Variants in NFIC observed in about 807,000 individuals in gnomAD.
NFIC encodes nuclear factor I C, also known as nuclear factor 1 C-type.
Under a neutral mutation model 54.4 loss-of-function variants are expected in NFIC, and 12 were observed. That is an observed-to-expected ratio of 0.22 (90% confidence interval 0.14 to 0.36). The LOEUF is 0.36. Ranked by LOEUF, NFIC falls within the 10% of genes least tolerant of loss-of-function variation. The probability of loss-of-function intolerance (pLI) is 1.00; values close to 1 mark genes in which losing one functional copy is unlikely to be tolerated. For synonymous variants in NFIC, 322 were observed against 319.2 expected (o/e 1.01, Z -0.09); for missense variants, 575 against 718.2 (o/e 0.80, Z 2.28).
chr19:3,408,046 C>T (rs574607454), intron 2 of NFIC, among the ~76,000 whole-genome samples: 1 of 152,102 alleles, frequency 6.6e-6, no homozygotes, highest in Non-Finnish European at 1.5e-5. Context: ...GGCTTTGGTT[C>T]TCTCTTTAGC....
intron 2 of NFIC, among the ~76,000 whole-genome samples, chr19:3,395,740 G>A (rs779892901): frequency 2.6e-5 from 4 of 151,908 alleles, no homozygotes; most frequent in Admixed American, 6.6e-5. Context: ...GAGTGCAGTG[G>A]CGCAATCTTG....
intron 10 of NFIC, 23 bp from the exon 11 acceptor site, chr19:3,462,729 T>G: frequency 6.2e-7 from 1 of 1,613,506 alleles, no homozygotes; most frequent in Non-Finnish European, 8.5e-7. Context: ...TCTCCCTCTT[T>G]CTGTCGCCAC....
At chr19:3,429,123 C>CAAA (rs1229903958) in intron 3 of NFIC, among the ~76,000 whole-genome samples, 1 of 88,126 alleles carries the variant, frequency 1.1e-5, no homozygotes, top group African/African-American at 4.8e-5. Flanking sequence ...TATCTCTACC[C>CAAA]AAAAAAAAAA....
At position 3,418,259 on chromosome 19, in the gene NFIC, G is replaced by C. The variant is rs560109310; in HGVS notation, c.563-6847G>C. Among the ~76,000 whole-genome samples the C allele has an allele frequency of 2.6e-5, 4 of 151,878 alleles. No homozygotes were observed. In the East Asian group the frequency reaches 7.8e-4, roughly 29 times the overall value. On this transcript the variant is annotated intron_variant, in intron 2 of 10. Transcript: ENST00000443272. ...AACTACAGGCATGCCACTACACCCA[G>C]CTAACTTTTGTATTTTTTGTAGAGA...
At chr19:3,435,439 C>A (rs544303535) in intron 6 of NFIC, among the ~76,000 whole-genome samples, 1 of 152,318 alleles carries the variant, frequency 6.6e-6, no homozygotes, top group Admixed American at 6.5e-5. Context: ...AGAGACTGTC[C>A]CCTGCCTGAC....
intron 6 of NFIC, among the ~76,000 whole-genome samples, chr19:3,435,535 G>A (rs892756083): frequency 2.0e-5 from 3 of 152,204 alleles, no homozygotes; most frequent in Non-Finnish European, 4.4e-5. Context: ...GATCAACAGG[G>A]CGCCTCTTCC....
At chr19:3,445,186 C>T (rs2082357120) in intron 6 of NFIC, among the ~76,000 whole-genome samples, 1 of 152,184 alleles carries the variant, frequency 6.6e-6, no homozygotes, top group African/African-American at 2.4e-5. Context: ...CACGCACACA[C>T]ATGCATGTAT....
At chr19:3,373,626 C>CCA (rs1555739701) in intron 1 of NFIC, among the ~76,000 whole-genome samples, 1 of 124,610 alleles carries the variant, frequency 8.0e-6, no homozygotes, top group Non-Finnish European at 1.6e-5. Context: ...GACCCCCCCC[C>CCA]CAAGCTAAAA....
intron 10 of NFIC, among the ~76,000 whole-genome samples, chr19:3,457,106 G>A (rs532692714): frequency 2.6e-5 from 4 of 152,196 alleles, no homozygotes; most frequent in African/African-American, 9.6e-5. Flanking sequence ...GGGGCGTGGG[G>A]CCTCCCAGGA....
chr19:3,451,579 C>T (rs1160576174), intron 7 of NFIC, among the ~76,000 whole-genome samples: 2 of 149,904 alleles, frequency 1.3e-5, no homozygotes, highest in Non-Finnish European at 3.0e-5. Flanking sequence ...TGTAGTGAGC[C>T]ATGATCATGC....
chr19:3,417,489 GC>G (rs1274657615), intron 2 of NFIC, among the ~76,000 whole-genome samples: 1 of 152,080 alleles, frequency 6.6e-6, no homozygotes, highest in Admixed American at 6.6e-5. Context: ...GAATCTTGGG[GC>G]TGTGGAAGTT....
rs2082665573 is a variant in NFIC, at chr19:3,463,119, TCTC to T, written c.*354_*356del. The T allele has an allele frequency of 1.7e-6, 2 of 1,172,800 alleles. No individual in the cohort carries two copies. The highest frequency in any genetic ancestry group is 1.1e-6 in the Non-Finnish European group (1 of 947,436). 72.6% of individuals were successfully genotyped at this position (1,172,800 alleles called of 1,614,324 possible). A position where few individuals can be genotyped will look rare whatever the true frequency, so the allele number is the denominator to read the frequency against. On this transcript the variant is annotated 3_prime_UTR_variant, in exon 11 of 11. Transcript: ENST00000443272. The stretch of plus-strand genomic sequence containing the variant: ...ACAGGGCGTCTTCCTAAGTTATTCA[TCTC>T]CTCTCCGCCTGCTGCTCGGGAAGGA...
intron 2 of NFIC, among the ~76,000 whole-genome samples, chr19:3,396,471 CAAAAAAAAA>C (rs60749462): frequency 5.9e-4 from 33 of 55,520 alleles, no homozygotes; most frequent in African/African-American, 1.8e-3. Context: ...GACTCCGTCT[CAAAAAAAAA>C]AAAAAAAAAA....
rs777727186 is a variant in NFIC at position 3,452,101 on chromosome 19, C to CAAAAAAAAAAAAAA, written c.1085-372_1085-359dup. ...TGCACTCCAGCCTGGGTGACTGTCT[C>CAAAAAAAAAAAAAA]AAAAAAAAAAAAAAAAAAAAAAGAC... is the stretch of plus-strand genomic sequence containing the variant. On this transcript the variant is annotated intron_variant, in intron 7 of 10. Transcript: ENST00000443272. This position sits in a 1 kb window ranked among gnomAD's most constrained non-coding sequence, Gnocchi z 5.3. Among the ~76,000 whole-genome samples, 1 of 54,554 alleles carries CAAAAAAAAAAAAAA rather than the reference C, an allele frequency of 1.8e-5. No individual in the cohort carries two copies. The allele number at this position is 54,554 out of a possible 152,430, so 35.8% of individuals were successfully genotyped here. A position where few individuals can be genotyped will look rare whatever the true frequency, so the allele number is the denominator to read the frequency against.
intron 1 of NFIC, chr19:3,371,382 C>T (rs983383498): frequency 2.0e-5 from 3 of 146,694 alleles, no homozygotes; most frequent in Admixed American, 6.9e-5. Context: ...TGGAGTGCAG[C>T]GGTGCGATCT....
At chr19:3,441,636 G>A (rs2082295007) in intron 6 of NFIC, among the ~76,000 whole-genome samples, 1 of 152,256 alleles carries the variant, frequency 6.6e-6, no homozygotes, top group African/African-American at 2.4e-5. Context: ...AACCTCATTG[G>A]TGGACCGAGG....
chr19:3,461,241 C>A (rs990028917), intron 10 of NFIC, among the ~76,000 whole-genome samples: 8 of 143,454 alleles, frequency 5.6e-5, no homozygotes, highest in African/African-American at 2.1e-4. Flanking sequence ...GTCTACATGG[C>A]GAAACCCCAC....
Position 3,432,630 on chromosome 19 carries a change from G to A in NFIC, c.635-888G>A, listed in dbSNP as rs910055134. On this transcript the variant is annotated intron_variant, in intron 3 of 10. Transcript: ENST00000443272. Reference sequence around the variant, plus strand: ...TGCCCCAGATCACACACCGAGGCAGGTGATGGAGCCGATGTGAGCCCAGGC... The same window carrying A: ...TGCCCCAGATCACACACCGAGGCAGATGATGGAGCCGATGTGAGCCCAGGC... 2.0e-5 allele frequency among the ~76,000 whole-genome samples: 3 copies of A among 151,994 alleles called. No homozygotes were observed. In the South Asian group the frequency reaches 6.2e-4, roughly 32 times the overall value.
At chr19:3,400,271 C>T (rs1022410953) in intron 2 of NFIC, among the ~76,000 whole-genome samples, 17 of 152,154 alleles carry the variant, frequency 1.1e-4, no homozygotes, top group Non-Finnish European at 2.2e-4. Flanking sequence ...GTCAGGAGAT[C>T]GAGACCATCC....
Sources: allele counts gnomAD v4.1 joint callset (sites outside exome capture counted in the v4.1 genomes callset), GRCh38; gene constraint gnomAD v4.1.1; non-coding constraint Gnocchi (gnomAD v3.1); transcripts MANE v1.5; gene names NCBI Gene and HGNC (gene_info 2026-07-23, HGNC 2026-07-21).